The following ADCK1 variants were observed in gnomAD, a reference collection of about 807,000 sequenced individuals.
The protein encoded by ADCK1 is aarF domain-containing protein kinase 1.
Under a neutral mutation model 52.3 loss-of-function variants are expected in ADCK1, and 41 were observed. The observed-to-expected ratio is 0.78, with a 90% CI of 0.61 to 1.02. The LOEUF (loss-of-function observed/expected upper bound fraction) is 1.02, where lower values mean the gene tolerates loss of function less well. ADCK1 is among the 50% of genes least tolerant of loss of function. The probability of loss-of-function intolerance (pLI) is 0.00; values close to 1 mark genes in which losing one functional copy is unlikely to be tolerated. For synonymous variants in ADCK1, 250 were observed against 274.6 expected, an observed-to-expected ratio of 0.91 and a Z score of 0.89; for missense variants, 658 against 679.5, an observed-to-expected ratio of 0.97 and a Z score of 0.35.
chr14:77,846,454 G>T (rs556348993), intron 3 of ADCK1, among the ~76,000 whole-genome samples: 3 of 152,322 alleles, frequency 2.0e-5, no homozygotes, highest in African/African-American at 7.2e-5. Context: ...CTGGAAGCCA[G>T]GCCTGGTGTG....
intron 1 of ADCK1, among the ~76,000 whole-genome samples, chr14:77,804,818 G>A (rs1160431350): frequency 6.6e-6 from 1 of 152,164 alleles, no homozygotes; most frequent in Admixed American, 6.5e-5. Flanking sequence ...ACAGCCTGAG[G>A]TTCAATTCTG....
chr14:77,847,113 T>C (rs1052170107), intron 3 of ADCK1, among the ~76,000 whole-genome samples: 1 of 150,280 alleles, frequency 6.7e-6, no homozygotes, highest in African/African-American at 2.5e-5. Context: ...AAAAGGAGAG[T>C]GGTGTGGTGA....
intron 3 of ADCK1, among the ~76,000 whole-genome samples, chr14:77,823,066 G>A (rs948897444): frequency 3.3e-5 from 5 of 152,162 alleles, no homozygotes; most frequent in Non-Finnish European, 5.9e-5. Flanking sequence ...GGGGCCTCTC[G>A]TAGGCCTCTG....
chr14:77,818,081 C>T (rs2081501420), intron 1 of ADCK1, among the ~76,000 whole-genome samples: 1 of 152,160 alleles, frequency 6.6e-6, no homozygotes. Flanking sequence ...TTTTGAAAAT[C>T]AACCATACAC....
intron 7 of ADCK1, chr14:77,914,444 C>T (rs558869782): frequency 6.7e-5 from 66 of 985,322 alleles, no homozygotes; most frequent in African/African-American, 7.0e-5. Flanking sequence ...GCAGGAGCAG[C>T]GAAAAGGTCT....
At chr14:77,900,378 G>A (rs552889753) in intron 6 of ADCK1, among the ~76,000 whole-genome samples, 20 of 152,018 alleles carry the variant, frequency 1.3e-4, no homozygotes, top group Non-Finnish European at 2.4e-4. Context: ...CTTGAGGGAA[G>A]GAGTTCAAGA....
At position 77,908,053 on chromosome 14, in the gene ADCK1, A is replaced by T. The variant is rs1389877253; in HGVS notation, c.858+134A>T. The T allele has an allele frequency of 7.2e-6, 5 of 690,976 alleles. No homozygotes were observed. In the East Asian group the frequency reaches 1.3e-4, roughly 19 times the overall value. 42.8% of individuals were successfully genotyped at this position (690,976 alleles called of 1,614,324 possible). A position where few individuals can be genotyped will look rare whatever the true frequency, so the allele number is the denominator to read the frequency against. On this transcript the variant is annotated intron_variant, in intron 7 of 10. Transcript: ENST00000238561. ...CTTTAATAGGGCCCATTGTCTGGAG[A>T]ATTATAAACTTTGAGCAAGAAAGAT...
At chr14:77,910,685 A>G (rs147628432) in intron 7 of ADCK1, among the ~76,000 whole-genome samples, 1 of 152,222 alleles carries the variant, frequency 6.6e-6, no homozygotes, top group African/African-American at 2.4e-5. Flanking sequence ...ATCAGAGGCA[A>G]CGTTGATTTT....
chr14:77,922,979 G>A (rs564717234), intron 7 of ADCK1, among the ~76,000 whole-genome samples: 13 of 152,324 alleles, frequency 8.5e-5, no homozygotes, highest in Middle Eastern at 3.4e-3. Flanking sequence ...ACGCAGAGTC[G>A]TAGTCACGTG....
chr14:77,893,555 C>T (rs887059859), intron 5 of ADCK1, among the ~76,000 whole-genome samples: 5 of 152,022 alleles, frequency 3.3e-5, no homozygotes, highest in South Asian at 2.1e-4. Context: ...CCAAGGTGCT[C>T]GGCTATGTTG....
chr14:77,822,323 C>A, intron 2 of ADCK1, 112 bp from the exon 3 acceptor site: 2 of 818,182 alleles, frequency 2.4e-6, no homozygotes, highest in Non-Finnish European at 4.2e-6. Context: ...GTGGGACTGG[C>A]CACTCCCCCA....
intron 3 of ADCK1, among the ~76,000 whole-genome samples, chr14:77,827,368 A>G (rs1420632972): frequency 4.0e-5 from 6 of 151,008 alleles, no homozygotes; most frequent in Non-Finnish European, 8.8e-5. Context: ...AAAAAAAAAA[A>G]AAAGAAATGC....
chr14:77,834,933 C>T (rs376341467), intron 3 of ADCK1, among the ~76,000 whole-genome samples: 8 of 152,304 alleles, frequency 5.3e-5, no homozygotes, highest in African/African-American at 1.9e-4. Flanking sequence ...CATCTCAGAC[C>T]CTATCCCAGA....
chr14:77,817,520 G>T (rs1422756058), intron 1 of ADCK1, among the ~76,000 whole-genome samples: 1 of 152,184 alleles, frequency 6.6e-6, no homozygotes, highest in Admixed American at 6.5e-5. Context: ...TGCACTGGCC[G>T]CAAAGAGTGA....
intron 3 of ADCK1, among the ~76,000 whole-genome samples, chr14:77,849,817 T>C (rs771434250): frequency 2.0e-5 from 3 of 152,180 alleles, no homozygotes; most frequent in East Asian, 1.9e-4. Context: ...TTTGGTTCCA[T>C]TGTGGTCAGA....
intron 1 of ADCK1, among the ~76,000 whole-genome samples, chr14:77,804,752 G>A (rs959861038): frequency 6.6e-6 from 1 of 152,282 alleles, no homozygotes; most frequent in Non-Finnish European, 1.5e-5. Context: ...TGATTCATTC[G>A]TTCAGTAAAT....
At chr14:77,906,128 GA>G (rs1466583476) in intron 6 of ADCK1, among the ~76,000 whole-genome samples, 1 of 152,198 alleles carries the variant, frequency 6.6e-6, no homozygotes, top group Non-Finnish European at 1.5e-5. Flanking sequence ...GGGATGTAAA[GA>G]AGTTAAGTGG....
chr14:77,841,742 G>T (rs2082072260), intron 3 of ADCK1, among the ~76,000 whole-genome samples: 1 of 151,258 alleles, frequency 6.6e-6, no homozygotes, highest in Non-Finnish European at 1.5e-5. Flanking sequence ...TACCTGGGAG[G>T]CTGAGGCAGG....
intron 4 of ADCK1, among the ~76,000 whole-genome samples, chr14:77,867,652 G>A (rs527360174): frequency 6.3e-4 from 96 of 152,306 alleles, no homozygotes; most frequent in African/African-American, 2.1e-3. Flanking sequence ...GGTCGAGGTG[G>A]CCCTGGCTTG....
Sources: allele counts gnomAD v4.1 joint callset (sites outside exome capture counted in the v4.1 genomes callset), GRCh38; gene constraint gnomAD v4.1.1; transcripts MANE v1.5; gene names NCBI Gene and HGNC (gene_info 2026-07-23, HGNC 2026-07-21).